The following UMOD variants were observed in gnomAD, a reference collection of about 807,000 sequenced individuals.
The protein encoded by UMOD is Tamm-Horsfall urinary glycoprotein.
In UMOD, 64 loss-of-function variants were observed where a neutral mutation model predicts 66.0. The observed-to-expected ratio is 0.97, with a 90% confidence interval of 0.79 to 1.19. UMOD has a LOEUF of 1.19. Among genes scored for constraint, UMOD ranks in the 50% most tolerant of loss-of-function variants. UMOD has a pLI of 0.00. For synonymous variants in UMOD, 398 were observed against 352.7 expected, an observed-to-expected ratio of 1.13 and a Z score of -1.44; for missense variants, 764 against 850.9, an observed-to-expected ratio of 0.90 and a Z score of 1.27.
intron 7 of UMOD, among the ~76,000 whole-genome samples, chr16:20,339,207 C>A (rs147902589): frequency 1.2e-3 from 180 of 152,378 alleles, no homozygotes; most frequent in Middle Eastern, 3.4e-3. Context: ...ACCCAAATCT[C>A]TGTGATACTC....
rs117607957 is a variant in UMOD, at chr16:20,349,827, G to A, written c.89-615C>T. ...CTGCTCAGTGTCGCCTCCTCTCTGC[G>A]GAGTCCTCCAACTCCACCTGGCTGG... On this transcript the variant is annotated intron_variant, in intron 2 of 10. Coordinates refer to ENST00000396138, the MANE Select transcript of UMOD (RefSeq NM_003361.4). The A allele has an allele frequency of 6.9e-4, 1,074 of 1,549,534 alleles. 10 individuals carry two copies. The East Asian group carries it at 0.022, about 31-fold the overall frequency.
intron 10 of UMOD, 41 bp from the exon 11 acceptor site, chr16:20,333,416 G>A: frequency 6.3e-7 from 1 of 1,577,150 alleles, no homozygotes. Flanking sequence ...TAGTACTGCT[G>A]TACTTTTGTG....
chr16:20,352,597 C>G (rs1379541912), intron 1 of UMOD, 92 bp downstream of exon 1: 1 of 993,326 alleles, frequency 1.0e-6, no homozygotes. Context: ...AGGTCTGACC[C>G]CAGTGTCCAA....
intron 3 of UMOD, 39 bp from the exon 4 acceptor site, chr16:20,348,369 C>A (rs777422876): frequency 6.2e-7 from 1 of 1,614,154 alleles, no homozygotes; most frequent in Non-Finnish European, 8.5e-7. Flanking sequence ...TCAATAAGGA[C>A]GCACCCCCGT....
intron 6 of UMOD, among the ~76,000 whole-genome samples, chr16:20,341,777 T>C (rs1471791820): frequency 3.9e-5 from 6 of 152,238 alleles, no homozygotes; most frequent in Non-Finnish European, 5.9e-5. Flanking sequence ...TTAAAAGGTA[T>C]TGAGCTATGA....
At position 20,348,312 on chromosome 16, in the gene UMOD, C is replaced by G. The variant is rs143648949; in HGVS notation, c.884G>C (p.Gly295Ala). ...AYCTDPSSVE[G>A]TCEECSIDED... is the part of the protein sequence containing the mutation. ...GTCTATACTGCACTCCTCACACGTC[C>G]CCTCCACGGAGCTGGGGTCTGCAGG... The change falls in exon 4 of 11, where the codon GGG becomes GCG. Residue 295 changes from glycine (G) to alanine (A), a missense_variant. Gly to Ala is a moderately conservative substitution (Grantham distance 60). Coordinates refer to ENST00000396138, the MANE Select transcript of UMOD (RefSeq NM_003361.4). 3.1e-6 allele frequency: 5 copies of G among 1,614,118 alleles called. No individual in the cohort carries two copies. Among genetic ancestry groups the G allele is most frequent in the Non-Finnish European group, 4.2e-6 (5 of 1,180,056 alleles).
chr16:20,345,330 TTTTCTTTCTTTC>T, intron 5 of UMOD, among the ~76,000 whole-genome samples: 1 of 150,786 alleles, frequency 6.6e-6, no homozygotes, highest in East Asian at 2.0e-4. Context: ...AAATCTTTCT[TTTTCTTTCTTTC>T]TTTCTTTCTT....
chr16:20,345,480 T>TCTC, intron 5 of UMOD, among the ~76,000 whole-genome samples: 1 of 28,232 alleles, frequency 3.5e-5, no homozygotes, highest in South Asian at 8.1e-4. Flanking sequence ...CCTTCCTTCC[T>TCTC]TCCCTCCCTC....
chr16:20,347,039 G>A lies in UMOD; in HGVS notation c.974-705C>T, dbSNP rs550308961. ...CCTCTCTCTCTCTTTTTTTTGAGACGGAGTTTCTCTCTTCGGCGACAAGCC... is the reference window on the plus strand; with the variant it reads ...CCTCTCTCTCTCTTTTTTTTGAGACAGAGTTTCTCTCTTCGGCGACAAGCC... On this transcript the variant is annotated intron_variant, in intron 4 of 10. Coordinates refer to ENST00000396138, the MANE Select transcript of UMOD (RefSeq NM_003361.4). Among the ~76,000 whole-genome samples the A allele has an allele frequency of 6.6e-5, 10 of 151,616 alleles. No homozygotes were observed. In the South Asian group the frequency reaches 1.2e-3, roughly 19 times the overall value.
chr16:20,351,059 C>T (rs1013154918), intron 1 of UMOD: 1 of 399,140 alleles, frequency 2.5e-6, no homozygotes, highest in South Asian at 2.2e-5. Flanking sequence ...ATTCTCAGCA[C>T]ATTGCACATT....
At chr16:20,344,690 GAA>G (rs34857077) in intron 5 of UMOD, among the ~76,000 whole-genome samples, 12 of 151,272 alleles carry the variant, frequency 7.9e-5, no homozygotes, top group Non-Finnish European at 1.3e-4. Flanking sequence ...TTATAAATTA[GAA>G]AAAAAAAGTT....
In UMOD at chr16:20,348,778, GGC is replaced by G; in HGVS notation, c.521_522del (p.Cys174SerfsTer124). The stretch of plus-strand genomic sequence containing the variant: ...TACTCGTCCAGGGTGCGGTGCGCCT[GGC>G]ACGGATCCGCGCACACGAGCGCGTC... ...EGDALVCADP[C>X]QAHRTLDEYW... On this transcript the variant is annotated frameshift_variant, in exon 3 of 11. Transcript: ENST00000396138. LOFTEE classifies it high-confidence loss of function. The G allele has an allele frequency of 6.5e-7, 1 of 1,544,074 alleles. No homozygotes were observed. The highest frequency in any genetic ancestry group is 8.7e-7 in the Non-Finnish European group (1 of 1,145,968).
upstream of UMOD, chr16:20,356,067 G>T (rs771916003): frequency 1.1e-4 from 17 of 152,210 alleles, no homozygotes; most frequent in African/African-American, 4.8e-5. Flanking sequence ...AGGGTGGAGA[G>T]TTTTGAAAAA....
chr16:20,333,434 A>C, intron 10 of UMOD, 59 bp from the exon 11 acceptor site: 2 of 1,515,326 alleles, frequency 1.3e-6, no homozygotes, highest in Admixed American at 3.7e-5. Flanking sequence ...GTGCAAATTA[A>C]CATAAGCTGC....
At chr16:20,341,471 C>A in intron 6 of UMOD, 135 bp from the exon 7 acceptor site, 3 of 1,504,342 alleles carry the variant, frequency 2.0e-6, no homozygotes, top group Non-Finnish European at 2.7e-6. Context: ...TGGAACCCAC[C>A]AACTGTTGCT....
intron 4 of UMOD, among the ~76,000 whole-genome samples, 160 bp from the exon 5 acceptor site, chr16:20,346,494 A>G (rs1022666593): frequency 2.0e-5 from 3 of 152,216 alleles, no homozygotes; most frequent in Non-Finnish European, 4.4e-5. Flanking sequence ...GGGACTCAAG[A>G]TTGGACCTCT....
chr16:20,339,180 G>A (rs1965048924), intron 7 of UMOD, among the ~76,000 whole-genome samples: 1 of 152,218 alleles, frequency 6.6e-6, no homozygotes, highest in Admixed American at 6.5e-5. Context: ...CTAAGAAATG[G>A]CAAAGCCAAG....
At chr16:20,350,919 T>C in intron 1 of UMOD, 80 bp from the exon 2 acceptor site, 1 of 1,404,962 alleles carries the variant, frequency 7.1e-7, no homozygotes, top group South Asian at 1.4e-5. Context: ...GATTGTATAG[T>C]ATACAACTCC....
chr16:20,338,325 G>A (rs1039403952), intron 7 of UMOD, among the ~76,000 whole-genome samples: 77 of 152,144 alleles, frequency 5.1e-4, no homozygotes, highest in African/African-American at 1.8e-3. Context: ...CTGTCTCCCC[G>A]ACTTGTCTCC....
Sources: gnomAD v4.1 joint callset for allele counts (sites outside exome capture counted in the v4.1 genomes callset) on GRCh38, gnomAD v4.1.1 for gene constraint, MANE v1.5 for transcripts, NCBI Gene and HGNC (gene_info 2026-07-23, HGNC 2026-07-21) for gene names.